Variants in ATP1A4 observed in about 807,000 individuals in gnomAD.
ATP1A4 encodes sodium/potassium-transporting ATPase subunit alpha-4.
ATP1A4 carries 90 observed loss-of-function variants against 114.3 expected under a neutral mutation model. That is an observed-to-expected ratio of 0.79 (90% confidence interval 0.66 to 0.94). The LOEUF (loss-of-function observed/expected upper bound fraction) is 0.94, where lower values mean the gene tolerates loss of function less well. Ranked by LOEUF, ATP1A4 falls within the 40% of genes least tolerant of loss-of-function variation. The pLI is 0.00. For synonymous variants in ATP1A4, 511 were observed against 494.1 expected (o/e 1.03, Z -0.45); for missense variants, 1,222 against 1,313.6 (o/e 0.93, Z 1.08).
chr1:160,171,568 C>T lies in ATP1A4; in HGVS notation c.1682-17C>T, dbSNP rs1347144668. 2 of 1,611,444 alleles carry T rather than the reference C, an allele frequency of 1.2e-6. No individual in the cohort carries two copies. Among genetic ancestry groups the T allele is most frequent in the Non-Finnish European group, 1.7e-6 (2 of 1,178,510 alleles). On this transcript the variant is annotated splice_polypyrimidine_tract_variant and intron_variant, in intron 11 of 21. Transcript: ENST00000368081. Reference sequence around the variant, plus strand: ...AGTGCTGGATGACTACTGGTCCCTCCCTCTGTCTCTCTCCAGGCTTCTGCT... The same window carrying T: ...AGTGCTGGATGACTACTGGTCCCTCTCTCTGTCTCTCTCCAGGCTTCTGCT...
chr1:160,177,221 GA>G (rs1653500237), intron 17 of ATP1A4, among the ~76,000 whole-genome samples: 1 of 152,082 alleles, frequency 6.6e-6, no homozygotes, highest in African/African-American at 2.4e-5. Flanking sequence ...TGTCTCAAAA[GA>G]AAAAATTGGG....
chr1:160,173,664 G>A lies in ATP1A4; in HGVS notation c.1938G>A (p.Thr646=), dbSNP rs374282407. Residue 646 remains threonine (T), a synonymous_variant, in exon 13 of 22, where the codon ACG becomes ACA. Transcript: ENST00000368081. ...GVGIISEGTE[T]AEEVAARLKI... ...GCATCATCTCAGAAGGCACTGAGAC[G>A]GCAGAGGAAGTCGCTGCCCGGCTTA... The A allele has an allele frequency of 4.4e-4, 716 of 1,614,116 alleles. 6 individuals carry two copies. In the South Asian group the frequency reaches 7.2e-3, roughly 16 times the overall value.
intron 6 of ATP1A4, among the ~76,000 whole-genome samples, chr1:160,162,864 C>A (rs1652909420): frequency 6.6e-6 from 1 of 151,980 alleles, no homozygotes; most frequent in South Asian, 2.1e-4. Flanking sequence ...ACTATATAGG[C>A]AATAGAAGAT....
Position 160,186,776 on chromosome 1 carries a change from C to A in ATP1A4, c.*77C>A. ...ATGGGGCCAGAGATTATAAGTTTGA[C>A]ACAACATCTGAGACACTAGGATGAA... On this transcript the variant is annotated 3_prime_UTR_variant, in exon 22 of 22. Transcript: ENST00000368081. 1 of 1,442,536 alleles carries A rather than the reference C, an allele frequency of 6.9e-7. No homozygotes were observed. The highest frequency in any genetic ancestry group is 9.6e-7 in the Non-Finnish European group (1 of 1,041,636). The allele number at this position is 1,442,536 out of a possible 1,614,324, so 89.4% of individuals were successfully genotyped here.
chr1:160,178,637 T>C (rs1017706641), intron 18 of ATP1A4, among the ~76,000 whole-genome samples: 2 of 151,970 alleles, frequency 1.3e-5, no homozygotes, highest in African/African-American at 4.8e-5. Flanking sequence ...ATTGCACCAC[T>C]GTACTCCAGC....
At chr1:160,181,588 T>A in intron 18 of ATP1A4, 96 bp from the exon 19 acceptor site, 64 of 1,286,016 alleles carry the variant, frequency 5.0e-5, no homozygotes, top group Non-Finnish European at 6.3e-5. Flanking sequence ...AGGACCTGAC[T>A]CAGCCCAGGG....
In ATP1A4 at chr1:160,159,435, G is replaced by T. The variant is rs1370149638; in HGVS notation, c.687G>T (p.Glu229Asp). Residue 229 changes from glutamate (E) to aspartate (D), a missense_variant, in exon 6 of 22, where the codon GAG (glutamate) becomes GAT (aspartate). Glu to Asp is a conservative substitution (Grantham distance 45, BLOSUM62 2). Transcript: ENST00000368081. ...CKVDNSSLTGESEPQSRSPDF... is the reference protein window; with the variant it reads ...CKVDNSSLTGDSEPQSRSPDF... The stretch of plus-strand genomic sequence containing the variant: ...TGGACAACTCATCCTTGACTGGGGA[G>T]TCAGAACCCCAGAGCCGCTCCCCTG... 16 of 1,613,590 alleles carry T rather than the reference G, an allele frequency of 9.9e-6. No homozygotes were observed. The highest frequency in any genetic ancestry group is 1.2e-5 in the Non-Finnish European group (14 of 1,179,866).
chr1:160,159,441 A>C lies in ATP1A4; in HGVS notation c.693A>C (p.Glu231Asp), dbSNP rs1360530867. Reference protein sequence around the residue: ...VDNSSLTGESEPQSRSPDFTH... With the variant: ...VDNSSLTGESDPQSRSPDFTH... Reference sequence around the variant, plus strand: ...ACTCATCCTTGACTGGGGAGTCAGAACCCCAGAGCCGCTCCCCTGACTTCA... The same window carrying C: ...ACTCATCCTTGACTGGGGAGTCAGACCCCCAGAGCCGCTCCCCTGACTTCA... The change falls in exon 6 of 22, where the codon GAA becomes GAC. Residue 231 changes from glutamate (E) to aspartate (D), a missense_variant. Coordinates refer to ENST00000368081, the MANE Select transcript of ATP1A4 (RefSeq NM_144699.4). 6.2e-7 allele frequency: 1 copy of C among 1,613,600 alleles called. No individual in the cohort carries two copies. The highest frequency in any genetic ancestry group is 8.5e-7 in the Non-Finnish European group (1 of 1,179,816).
intron 7 of ATP1A4, among the ~76,000 whole-genome samples, chr1:160,166,141 A>C (rs190855441): frequency 6.6e-6 from 1 of 152,134 alleles, no homozygotes; most frequent in African/African-American, 2.4e-5. Flanking sequence ...ATGGTGGTGC[A>C]TGCCTGTAGT....
At chr1:160,168,572 C>T (rs113663495) in intron 10 of ATP1A4, among the ~76,000 whole-genome samples, 15 of 151,954 alleles carry the variant, frequency 9.9e-5, no homozygotes, top group Middle Eastern at 6.8e-3. Context: ...TTAGTAGAGA[C>T]GGGATTTTAC....
rs749712539 is a variant in ATP1A4, at chr1:160,177,503, ACT to A, written c.2591-13_2591-12del. 2 of 1,613,176 alleles carry A rather than the reference ACT, an allele frequency of 1.2e-6. No homozygotes were observed. The highest frequency in any genetic ancestry group is 4.5e-5 in the East Asian group (2 of 44,862). ...CTGAACCAGGCTCCCCTGTCCTGCA[ACT>A]CTGTCATTCACAGGGATGATCCAGG... is the stretch of plus-strand genomic sequence containing the variant. On this transcript the variant is annotated splice_polypyrimidine_tract_variant and intron_variant, in intron 17 of 21. Coordinates refer to ENST00000368081, the MANE Select transcript of ATP1A4 (RefSeq NM_144699.4).
intron 10 of ATP1A4, among the ~76,000 whole-genome samples, chr1:160,169,196 G>A (rs1288231569): frequency 3.3e-5 from 5 of 152,226 alleles, no homozygotes; most frequent in African/African-American, 4.8e-5. Flanking sequence ...CCTAAAGGTG[G>A]AGACTCCAGT....
intron 5 of ATP1A4, 113 bp from the exon 6 acceptor site, chr1:160,159,296 T>C: frequency 7.4e-7 from 1 of 1,350,340 alleles, no homozygotes; most frequent in Non-Finnish European, 1.0e-6. Flanking sequence ...AATTTGTTTC[T>C]CTCAGTCTGT....
chr1:160,156,067 C>A lies in ATP1A4; in HGVS notation c.434C>A (p.Ser145Tyr). 6.2e-7 allele frequency: 1 copy of A among 1,613,524 alleles called. No individual in the cohort carries two copies. The highest frequency in any genetic ancestry group is 8.5e-7 in the Non-Finnish European group (1 of 1,179,446). ...KDNLYLSIVLSVVVIVTGCFS... is the reference protein window; with the variant it reads ...KDNLYLSIVLYVVVIVTGCFS... ...CAGCTCTACCTGAGCATCGTACTGT[C>A]CGTCGTGGTCATCGTCACTGGCTGC... Residue 145 changes from serine (S) to tyrosine (Y), a missense_variant, in exon 4 of 22, where the codon TCC (serine) becomes TAC (tyrosine). By Grantham distance (144) the Ser-to-Tyr change is moderately radical. Coordinates refer to ENST00000368081, the MANE Select transcript of ATP1A4 (RefSeq NM_144699.4).
Position 160,171,581 on chromosome 1 carries a change from C to T in ATP1A4, c.1682-4C>T. ...TACTGGTCCCTCCCTCTGTCTCTCT[C>T]CAGGCTTCTGCTTCTTGAATCTGCC... is the stretch of plus-strand genomic sequence containing the variant. On this transcript the variant is annotated splice_region_variant and splice_polypyrimidine_tract_variant and intron_variant, in intron 11 of 21. Coordinates refer to ENST00000368081, the MANE Select transcript of ATP1A4 (RefSeq NM_144699.4). The T allele has an allele frequency of 6.2e-7, 1 of 1,613,224 alleles. No individual in the cohort carries two copies.
chr1:160,173,756 T>A, intron 13 of ATP1A4, 39 bp downstream of exon 13: 1 of 1,598,528 alleles, frequency 6.3e-7, no homozygotes, highest in Non-Finnish European at 8.5e-7. Flanking sequence ...CCATGTTCCC[T>A]CCATCCCCAG....
intron 17 of ATP1A4, 79 bp from the exon 18 acceptor site, chr1:160,177,440 C>A: frequency 6.6e-7 from 1 of 1,522,884 alleles, no homozygotes; most frequent in Admixed American, 1.8e-5. Context: ...AAGTCCCAGC[C>A]CCCAGCCCTC....
At chr1:160,170,285 G>C (rs947146766) in intron 10 of ATP1A4, 1 of 152,190 alleles carries the variant, frequency 6.6e-6, no homozygotes, top group Non-Finnish European at 1.5e-5. Flanking sequence ...AAATCAGCCC[G>C]GCATAGTGGC....
chr1:160,185,083 A>C lies in ATP1A4; in HGVS notation c.2970-1193A>C, dbSNP rs190841085. Among the ~76,000 whole-genome samples the C allele has an allele frequency of 7.9e-4, 118 of 150,038 alleles. 1 individual carries two copies. Among genetic ancestry groups the C allele is most frequent in the Non-Finnish European group, 8.7e-4 (59 of 67,808 alleles). ...ACATTGCATATACTTCTAATATGAC[A>C]TTTATCATATTATATCATCATTGGC... On this transcript the variant is annotated intron_variant, in intron 20 of 21. Coordinates refer to ENST00000368081, the MANE Select transcript of ATP1A4 (RefSeq NM_144699.4).
Sources: gnomAD v4.1 joint callset for allele counts (sites outside exome capture counted in the v4.1 genomes callset) on GRCh38, gnomAD v4.1.1 for gene constraint, MANE v1.5 for transcripts, NCBI Gene and HGNC (gene_info 2026-07-23, HGNC 2026-07-21) for gene names.